The following KDM5C variants were observed in gnomAD, a reference collection of about 807,000 sequenced individuals.
KDM5C encodes the protein lysine-specific demethylase 5C.
KDM5C carries 16 observed loss-of-function variants against 110.6 expected under a neutral mutation model. The observed-to-expected ratio is 0.14, with a 90% CI of 0.10 to 0.22. KDM5C has a LOEUF of 0.22. Ranked by LOEUF, KDM5C falls within the 10% of genes least tolerant of loss-of-function variation. The pLI is 1.00. For missense variants in KDM5C, 681 were observed against 1,300.9 expected (o/e 0.52, Z 7.33); for synonymous variants, 511 against 520.4 (o/e 0.98, Z 0.24).
At position 53,196,883 on chromosome X, in the gene KDM5C, C is replaced by T. The variant is rs781991818; in HGVS notation, c.2784G>A (p.Ala928=). Residue 928 remains alanine, a synonymous_variant, in exon 19 of 26, where the codon GCG becomes GCA. Transcript: ENST00000375401. ...AQQLQRQVEQ[A]RWLDEVKRTL... is the part of the protein sequence containing the mutation. ...TGCGTTTCACCTCATCCAGCCATCG[C>T]GCCTGTTCCACCTGCCGCTGGAGCT... 9.2e-6 allele frequency: 11 copies of T among 1,200,711 alleles called. No individual in the cohort carries two copies. The highest frequency in any genetic ancestry group is 4.5e-5 in the Admixed American group (2 of 44,654).
At chrX:53,214,536 T>A in intron 8 of KDM5C, 153 bp downstream of exon 8, 1 of 576,264 alleles carries the variant, frequency 1.7e-6, no homozygotes, top group Non-Finnish European at 2.8e-6. Flanking sequence ...CTGAATCTCC[T>A]GCTCCTTTCT....
At chrX:53,208,615 C>T (rs1398508459) in intron 12 of KDM5C, among the ~76,000 whole-genome samples, 1 of 100,973 alleles carries the variant, frequency 9.9e-6, no homozygotes, top group Non-Finnish European at 2.0e-5. Context: ...AAGTGATTCT[C>T]CCGCCTCAGC....
At position 53,196,049 on chromosome X, in the gene KDM5C, T is replaced by C. The variant is rs587780371; in HGVS notation, c.2987A>G (p.Lys996Arg). 9.9e-6 allele frequency: 12 copies of C among 1,211,892 alleles called. No individual in the cohort carries two copies. The highest frequency in any genetic ancestry group is 1.2e-5 in the Non-Finnish European group (11 of 895,366). Residue 996 changes from lysine to arginine, a missense_variant, in exon 20 of 26, where the codon AAG (lysine) becomes AGG (arginine). Lys to Arg is a conservative substitution (Grantham distance 26). Transcript: ENST00000375401. ...KAHLCLEARQ[K>R]HPPATLEAII... ...GGCCTCAAGTGTGGCTGGTGGATGC[T>C]TCTGCCTAAAGGTAAGGAAAAAAAG...
chrX:53,225,041 C>G lies in KDM5C; in HGVS notation c.-152G>C, dbSNP rs184675907. On this transcript the variant is annotated 5_prime_UTR_variant, in exon 1 of 26. Transcript: ENST00000375401. ...GCCGAGGGCCTAAGGGGGCGTGTGGCCGTCGTGCTCTGAGAGTCTCAGGCT... is the reference window on the plus strand; with the variant it reads ...GCCGAGGGCCTAAGGGGGCGTGTGGGCGTCGTGCTCTGAGAGTCTCAGGCT... The G allele has an allele frequency of 2.1e-5, 13 of 628,311 alleles. No individual in the cohort carries two copies. Among genetic ancestry groups the G allele is most frequent in the Middle Eastern group, 1.1e-3 (2 of 1,857 alleles). 51.8% of individuals were successfully genotyped at this position (628,311 alleles called of 1,213,427 possible). A position where few individuals can be genotyped will look rare whatever the true frequency, so the allele number is the denominator to read the frequency against.
chrX:53,222,638 C>T (rs908138475), intron 1 of KDM5C, among the ~76,000 whole-genome samples: 16 of 111,690 alleles, frequency 1.4e-4, no homozygotes, highest in African/African-American at 3.6e-4. Flanking sequence ...CCCTGCAAAC[C>T]GCCTGCCTTC....
chrX:53,177,890 ACT>A (rs1933923522), intron 25 of KDM5C, among the ~76,000 whole-genome samples: 1 of 111,631 alleles, frequency 9.0e-6, no homozygotes, highest in Non-Finnish European at 1.9e-5. Context: ...TCAGGGTCTC[ACT>A]CTGTCACCAA....
chrX:53,187,985 G>A (rs958472935), downstream of KDM5C, among the ~76,000 whole-genome samples: 2 of 109,761 alleles, frequency 1.8e-5, no homozygotes, highest in Non-Finnish European at 3.8e-5. Context: ...CACATGATTC[G>A]CCCGCCTCGG....
At position 53,197,798 on chromosome X, in the gene KDM5C, G is replaced by A. The variant is rs371450943; in HGVS notation, c.2595C>T (p.Cys865=). 3.1e-4 allele frequency: 368 copies of A among 1,203,363 alleles called. No homozygotes were observed. Among genetic ancestry groups the A allele is most frequent in the Middle Eastern group, 4.6e-4 (2 of 4,336 alleles). The change falls in exon 18 of 26, where the codon TGC becomes TGT. Residue 865 remains cysteine, a synonymous_variant. Coordinates refer to ENST00000375401, the MANE Select transcript of KDM5C (RefSeq NM_004187.5). ...AFLDQMNNLP[C]AMHQIGDVKG... The stretch of plus-strand genomic sequence containing the variant: ...TGACATCCCCAATCTGGTGCATGGC[G>A]CAAGGCAGGTTGTTCATCTGGTCCA...
chrX:53,180,719 CTTTTTTTTTT>C (rs1173641591), intron 25 of KDM5C, among the ~76,000 whole-genome samples: 2 of 30,299 alleles, frequency 6.6e-5, no homozygotes, highest in Non-Finnish European at 1.1e-4. Flanking sequence ...CCACACCCGG[CTTTTTTTTTT>C]TTTTTTTTTT....
chrX:53,206,095 A>G (rs1276846295), intron 12 of KDM5C, among the ~76,000 whole-genome samples: 4 of 112,320 alleles, frequency 3.6e-5, no homozygotes, highest in African/African-American at 9.7e-5. Flanking sequence ...GAATAGCCAA[A>G]AAGTAAAAAC....
intron 18 of KDM5C, 57 bp from the exon 19 acceptor site, chrX:53,197,101 A>ATCTGGTGGTGGAACC: frequency 1.1e-6 from 1 of 921,281 alleles, no homozygotes; most frequent in Non-Finnish European, 1.5e-6. Context: ...GAGGGGTTCC[A>ATCTGGTGGTGGAACC]CCACCAGATG....
intron 8 of KDM5C, among the ~76,000 whole-genome samples, chrX:53,213,385 G>A (rs1429253994): frequency 8.9e-6 from 1 of 111,921 alleles, no homozygotes; most frequent in Non-Finnish European, 1.9e-5. Flanking sequence ...ATGTATGCAT[G>A]TGCACACCCG....
chrX:53,213,438 C>G (rs1229511912), intron 8 of KDM5C, among the ~76,000 whole-genome samples: 1 of 112,242 alleles, frequency 8.9e-6, no homozygotes, highest in Non-Finnish European at 1.9e-5. Context: ...AGGCGAATGT[C>G]TGCTCTACAG....
In KDM5C at chrX:53,192,858, G is replaced by GCCCCC; in HGVS notation, c.*108_*109insGGGGG. ...CAGGGGTGGGCGGGTAGCAGGGATG[G>GCCCCC]CCACCCCCCTACCCGCCCACCCCCC... is the stretch of plus-strand genomic sequence containing the variant. On this transcript the variant is annotated 3_prime_UTR_variant, in exon 26 of 26. Transcript: ENST00000375401. 2 of 728,431 alleles carry GCCCCC rather than the reference G, an allele frequency of 2.7e-6. No individual in the cohort carries two copies. Among genetic ancestry groups the GCCCCC allele is most frequent in the Non-Finnish European group, 1.8e-6 (1 of 548,376 alleles). The allele number at this position is 728,431 out of a possible 1,213,427, so 60.0% of individuals were successfully genotyped here.
intron 22 of KDM5C, 39 bp downstream of exon 22, chrX:53,194,886 TATCATC>T (rs1569258823): frequency 8.3e-7 from 1 of 1,205,943 alleles, no homozygotes; most frequent in Admixed American, 2.2e-5. Context: ...TCAGACACTC[TATCATC>T]ACCAAGCCCT....
chrX:53,181,607 G>T (rs1049192674), intron 25 of KDM5C, among the ~76,000 whole-genome samples: 1 of 90,754 alleles, frequency 1.1e-5, no homozygotes, highest in Non-Finnish European at 2.0e-5. Context: ...ACACACAAAT[G>T]ATAAGATTTA....
chrX:53,217,767 C>T (rs782000420), intron 4 of KDM5C, 29 bp downstream of exon 4: 16 of 1,204,024 alleles, frequency 1.3e-5, no homozygotes, highest in Non-Finnish European at 1.7e-5. Flanking sequence ...AGGGTAAAGC[C>T]GCACCCTGCC....
rs1556834610 is a variant in KDM5C, at chrX:53,194,628, A to G, written c.3549T>C (p.Ser1183=). ...GCCCACACACACAGATAGAGGTTGT[A>G]GAGGAGGCCGTGCTCGATGATGCCA... ...SPLASSSTAS[S]TTSICVCGQV... The change falls in exon 23 of 26, where the codon TCT becomes TCC. Residue 1183 remains serine, a synonymous_variant. Transcript: ENST00000375401. 1 of 1,212,165 alleles carries G rather than the reference A, an allele frequency of 8.2e-7. No homozygotes were observed. The highest frequency in any genetic ancestry group is 2.2e-5 in the Admixed American group (1 of 46,136).
downstream of KDM5C, among the ~76,000 whole-genome samples, chrX:53,189,419 T>C (rs782319717): frequency 8.9e-6 from 1 of 112,714 alleles, no homozygotes; most frequent in South Asian, 3.7e-4. Context: ...GTTGGGGACT[T>C]TGTGAAATAC....
Sources: gnomAD v4.1 joint callset for allele counts (sites outside exome capture counted in the v4.1 genomes callset) on GRCh38, gnomAD v4.1.1 for gene constraint, MANE v1.5 for transcripts, NCBI Gene and HGNC (gene_info 2026-07-23, HGNC 2026-07-21) for gene names.